IQSEC1: variants seen among roughly 807,000 people sequenced by gnomAD.
IQSEC1 encodes IQ motif and Sec7 domain ArfGEF 1.
In IQSEC1, 31 loss-of-function variants were observed where a neutral mutation model predicts 91.0. The observed-to-expected ratio is 0.34, with a 90% confidence interval of 0.26 to 0.46. The LOEUF is 0.46. Ranked by LOEUF, IQSEC1 falls within the 20% of genes least tolerant of loss-of-function variation. The probability of loss-of-function intolerance (pLI) is 1.00; values close to 1 mark genes in which losing one functional copy is unlikely to be tolerated. For synonymous variants in IQSEC1, 699 were observed against 662.6 expected, an observed-to-expected ratio of 1.05 and a Z score of -0.84; for missense variants, 1,388 against 1,575.6, an observed-to-expected ratio of 0.88 and a Z score of 2.02.
At chr3:12,914,146 CA>C (rs1254156301) in intron 8 of IQSEC1, among the ~76,000 whole-genome samples, 3 of 152,246 alleles carry the variant, frequency 2.0e-5, no homozygotes. Flanking sequence ...CCTGAGCCAG[CA>C]GCCAACACTC....
chr3:13,170,599 C>T (rs1335830773), intron 1 of IQSEC1, among the ~76,000 whole-genome samples: 1 of 152,214 alleles, frequency 6.6e-6, no homozygotes, highest in African/African-American at 2.4e-5. Context: ...ACGGAGCTTC[C>T]AGAGCGCCAG....
rs1312927177 is a variant in IQSEC1, at chr3:13,207,810, C to T, written c.273-43677G>A. Reference sequence around the variant, plus strand: ...CCTGCCACCCGGCCACGTGGTCCGGCCAGCCTTGTGTGGTCCCCATACACT... The same window carrying T: ...CCTGCCACCCGGCCACGTGGTCCGGTCAGCCTTGTGTGGTCCCCATACACT... On this transcript the variant is annotated intron_variant, in intron 1 of 15. Transcript: ENST00000648114. The surrounding 1 kb of genome is among the most constrained non-coding windows in gnomAD (Gnocchi z 4.8). Among the ~76,000 whole-genome samples the T allele has an allele frequency of 6.6e-6, 1 of 152,214 alleles. No homozygotes were observed. Among genetic ancestry groups the T allele is most frequent in the Non-Finnish European group, 1.5e-5 (1 of 68,046 alleles).
chr3:13,194,506 G>T (rs1366458190), intron 1 of IQSEC1, among the ~76,000 whole-genome samples: 1 of 152,068 alleles, frequency 6.6e-6, no homozygotes, highest in African/African-American at 2.4e-5. Flanking sequence ...AACTTCCCTC[G>T]CAGGGCCAGC....
intron 2 of IQSEC1, among the ~76,000 whole-genome samples, chr3:13,105,517 A>G (rs974537236): frequency 6.6e-6 from 1 of 152,104 alleles, no homozygotes; most frequent in Non-Finnish European, 1.5e-5. Flanking sequence ...ATCCTGAAAA[A>G]CACGTGGAAG....
chr3:13,140,187 C>A lies in IQSEC1; in HGVS notation c.302+23917G>T, dbSNP rs561588977. Among the ~76,000 whole-genome samples, 307 of 152,300 alleles carry A rather than the reference C, an allele frequency of 2.0e-3. 3 individuals are homozygous for A. The highest frequency in any genetic ancestry group is 7.0e-3 in the African/African-American group (289 of 41,558). ...TCCTTGCCTTCCCTCTGCCTGGCATCCCTTATCCTCATGACCTGCTCAACA... is the reference window on the plus strand; with the variant it reads ...TCCTTGCCTTCCCTCTGCCTGGCATACCTTATCCTCATGACCTGCTCAACA... On this transcript the variant is annotated intron_variant, in intron 2 of 15. Transcript: ENST00000648114.
At position 12,900,729 on chromosome 3, in the gene IQSEC1, T is replaced by C; in HGVS notation, c.*254A>G. 1 of 1,392,334 alleles carries C rather than the reference T, an allele frequency of 7.2e-7. No homozygotes were observed. The highest frequency in any genetic ancestry group is 9.3e-7 in the Non-Finnish European group (1 of 1,074,030). 86.2% of individuals were successfully genotyped at this position (1,392,334 alleles called of 1,614,324 possible). On this transcript the variant is annotated 3_prime_UTR_variant, in exon 14 of 14. Coordinates refer to ENST00000613206, the MANE Select transcript of IQSEC1 (RefSeq NM_001134382.3). ...GGCTGGCTCACCGTTTCAAGGCTGA[T>C]GGTGTCTGAGGCCCACCCATCCCTC...
chr3:13,256,401 A>G (rs12494549), intron 1 of IQSEC1, among the ~76,000 whole-genome samples: 5,395 of 152,348 alleles, frequency 0.035, 129 homozygotes, highest in South Asian at 0.094. Context: ...ATATATAATT[A>G]TATGTAACTA....
At chr3:12,943,338 C>T (rs1698932854) in intron 1 of IQSEC1, among the ~76,000 whole-genome samples, 1 of 152,236 alleles carries the variant, frequency 6.6e-6, no homozygotes, top group African/African-American at 2.4e-5. Context: ...CTCATCCCGA[C>T]TCGGAACTCG....
At position 12,909,204 on chromosome 3, in the gene IQSEC1, C is replaced by T; in HGVS notation, c.2578+69G>A. ...CTCTGTGAGCTCAGAAGTCACTGCC[C>T]TGACATGGGGAGGCAAGTGCCAGAG... On this transcript the variant is annotated intron_variant, in intron 11 of 13. Transcript: ENST00000613206. This position sits in a 1 kb window ranked among gnomAD's most constrained non-coding sequence, Gnocchi z 4.9. The T allele has an allele frequency of 1.3e-6, 2 of 1,537,278 alleles. No homozygotes were observed. The highest frequency in any genetic ancestry group is 1.8e-6 in the Non-Finnish European group (2 of 1,120,262).
chr3:13,047,421 G>C, intron 1 of IQSEC1: 1 of 923,220 alleles, frequency 1.1e-6, no homozygotes, highest in Non-Finnish European at 1.3e-6. Flanking sequence ...GGTGCAGATG[G>C]GCAGTGAGGA....
intron 1 of IQSEC1, among the ~76,000 whole-genome samples, chr3:12,947,626 T>C (rs938352847): frequency 6.6e-6 from 1 of 152,034 alleles, no homozygotes; most frequent in Non-Finnish European, 1.5e-5. Flanking sequence ...CTCCTTCCCA[T>C]GAGATGAGTT....
rs200077570 is a variant in IQSEC1, at chr3:12,908,568, C to G, written c.2579-43G>C. The G allele has an allele frequency of 2.5e-6, 4 of 1,606,246 alleles. No individual in the cohort carries two copies. The highest frequency in any genetic ancestry group is 1.3e-5 in the African/African-American group (1 of 74,888). ...AGGGTCCTGGTGAGAGGAGCACAGC[C>G]TAGAGTGGGCAGGAGACGGGGCCTT... On this transcript the variant is annotated intron_variant, in intron 11 of 13. Coordinates refer to ENST00000613206, the MANE Select transcript of IQSEC1 (RefSeq NM_001134382.3). This position sits in a 1 kb window ranked among gnomAD's most constrained non-coding sequence, Gnocchi z 4.9.
At chr3:13,176,777 C>T (rs1056894048) in intron 1 of IQSEC1, among the ~76,000 whole-genome samples, 1 of 152,186 alleles carries the variant, frequency 6.6e-6, no homozygotes, top group Non-Finnish European at 1.5e-5. Context: ...CTTTTAAATG[C>T]GTCAGTGAGC....
intron 1 of IQSEC1, chr3:13,047,634 G>A: frequency 9.5e-6 from 3 of 317,096 alleles, no homozygotes; most frequent in Non-Finnish European, 1.4e-5. Flanking sequence ...AGGTCCTGGG[G>A]CAACTGAGCA....
At chr3:13,161,219 C>T (rs1441040283) in intron 2 of IQSEC1, among the ~76,000 whole-genome samples, 2 of 152,144 alleles carry the variant, frequency 1.3e-5, no homozygotes, top group Non-Finnish European at 2.9e-5. Flanking sequence ...TGTGGAAGCG[C>T]AGCTGCGCTG....
At chr3:13,153,072 T>C (rs168582) in intron 2 of IQSEC1, among the ~76,000 whole-genome samples, 47,700 of 138,620 alleles carry the variant, frequency 0.34, 8,260 homozygotes, top group East Asian at 0.56. Flanking sequence ...TATCTACTCC[T>C]TTCACTCCCT....
chr3:12,900,723 G>A lies in IQSEC1; in HGVS notation c.*260C>T. 7.1e-7 allele frequency: 1 copy of A among 1,405,044 alleles called. No individual in the cohort carries two copies. The highest frequency in any genetic ancestry group is 9.2e-7 in the Non-Finnish European group (1 of 1,081,918). The allele number at this position is 1,405,044 out of a possible 1,614,324, so 87.0% of individuals were successfully genotyped here. ...CTACTTGGCTGGCTCACCGTTTCAA[G>A]GCTGATGGTGTCTGAGGCCCACCCA... On this transcript the variant is annotated 3_prime_UTR_variant, in exon 14 of 14. Transcript: ENST00000613206.
At chr3:13,100,732 C>T (rs1043744942) in intron 2 of IQSEC1, among the ~76,000 whole-genome samples, 6 of 149,030 alleles carry the variant, frequency 4.0e-5, no homozygotes, top group Admixed American at 4.0e-4. Context: ...TTTCGTTCAT[C>T]GATTAATTCT....
intron 1 of IQSEC1, among the ~76,000 whole-genome samples, chr3:13,183,208 AACAT>A (rs1197547538): frequency 1.4e-5 from 2 of 145,728 alleles, no homozygotes; most frequent in East Asian, 2.0e-4. Context: ...CAAACAAACA[AACAT>A]AAATAAATAA....
Sources: gnomAD v4.1 joint callset for allele counts (sites outside exome capture counted in the v4.1 genomes callset) on GRCh38, gnomAD v4.1.1 for gene constraint, Gnocchi (gnomAD v3.1) non-coding constraint, MANE v1.5 for transcripts, NCBI Gene and HGNC (gene_info 2026-07-23, HGNC 2026-07-21) for gene names.